Variants in ABCA13 observed in about 807,000 individuals in gnomAD.
ABCA13 encodes ATP-binding cassette sub-family A member 13.
In ABCA13, 476 loss-of-function variants were observed where a neutral mutation model predicts 478.7. The observed-to-expected ratio is 0.99, with a 90% CI of 0.92 to 1.07. The LOEUF (loss-of-function observed/expected upper bound fraction) is 1.07. ABCA13 is among the 50% of genes least tolerant of loss of function. The pLI is 0.00. For synonymous variants in ABCA13, 2,252 were observed against 2,158.9 expected, an observed-to-expected ratio of 1.04 and a Z score of -1.20; for missense variants, 6,060 against 5,910.6, an observed-to-expected ratio of 1.03 and a Z score of -0.83.
intron 35 of ABCA13, among the ~76,000 whole-genome samples, chr7:48,384,288 A>T (rs1814833700): frequency 6.6e-6 from 1 of 152,250 alleles, no homozygotes; most frequent in African/African-American, 2.4e-5. Context: ...GTATGTGTCA[A>T]CAGGGGCTTT....
intron 57 of ABCA13, among the ~76,000 whole-genome samples, chr7:48,589,191 A>G (rs561039159): frequency 6.6e-6 from 1 of 152,356 alleles, no homozygotes; most frequent in East Asian, 1.9e-4. Context: ...TTTGGTGTCT[A>G]TTGAAGGAGA....
Position 48,240,922 on chromosome 7 carries a change from G to T in ABCA13, c.1118G>T (p.Gly373Val), listed in dbSNP as rs1790735362. ...CTTCAGAAGACACTCACAGGCATGGGCCATAGTCTGGAGGCTCTCAGGAAT... is the reference window on the plus strand; with the variant it reads ...CTTCAGAAGACACTCACAGGCATGGTCCATAGTCTGGAGGCTCTCAGGAAT... ...SLLQKTLTGM[G>V]HSLEALRNQF... Residue 373 changes from glycine (G) to valine (V), a missense_variant, in exon 10 of 62, where the codon GGC becomes GTC. This residue lies in a region of ABCA13 where 4,423 missense variants were observed against 4,309.1 expected (regional missense o/e 1.03). Coordinates refer to ENST00000435803, the MANE Select transcript of ABCA13 (RefSeq NM_152701.5). 3 of 1,612,536 alleles carry T rather than the reference G, an allele frequency of 1.9e-6. No individual in the cohort carries two copies. The highest frequency in any genetic ancestry group is 2.5e-6 in the Non-Finnish European group (3 of 1,178,956).
At chr7:48,475,089 A>G (rs1263284819) in intron 45 of ABCA13, among the ~76,000 whole-genome samples, 1 of 152,228 alleles carries the variant, frequency 6.6e-6, no homozygotes, top group Non-Finnish European at 1.5e-5. Flanking sequence ...AGTGGAGTAG[A>G]TGCAGCATTT....
intron 50 of ABCA13, among the ~76,000 whole-genome samples, chr7:48,509,269 A>G (rs1365299199): frequency 6.6e-6 from 1 of 152,196 alleles, no homozygotes; most frequent in Non-Finnish European, 1.5e-5. Context: ...TAGTTGGTAC[A>G]GAGATGGCTT....
At chr7:48,496,830 C>T (rs1316471254) in intron 48 of ABCA13, among the ~76,000 whole-genome samples, 1 of 151,998 alleles carries the variant, frequency 6.6e-6, no homozygotes, top group Non-Finnish European at 1.5e-5. Flanking sequence ...TCTTCCTTCT[C>T]TCTTTGTGAC....
chr7:48,341,324 A>G (rs1202680659), intron 29 of ABCA13, among the ~76,000 whole-genome samples: 1 of 149,200 alleles, frequency 6.7e-6, no homozygotes, highest in Non-Finnish European at 1.5e-5. Flanking sequence ...TGGGCAGGCT[A>G]GCCGCTCCTG....
chr7:48,249,381 G>T, intron 15 of ABCA13, 30 bp downstream of exon 15: 1 of 1,608,566 alleles, frequency 6.2e-7, no homozygotes, highest in South Asian at 1.1e-5. Flanking sequence ...TACAGGAATG[G>T]GGGATGCTTT....
Position 48,279,223 on chromosome 7 carries a change from A to T in ABCA13, c.8029A>T (p.Ile2677Phe). 4 of 1,590,692 alleles carry T rather than the reference A, an allele frequency of 2.5e-6. No homozygotes were observed. Among genetic ancestry groups the T allele is most frequent in the Non-Finnish European group, 3.4e-6 (4 of 1,167,350 alleles). The change falls in exon 18 of 62, where the codon ATT (isoleucine) becomes TTT (phenylalanine). Residue 2677 changes from isoleucine to phenylalanine, a missense_variant. Ile to Phe is a conservative substitution (Grantham distance 21, BLOSUM62 0). This residue lies in a region of ABCA13 where 4,423 missense variants were observed against 4,309.1 expected (regional missense o/e 1.03). Transcript: ENST00000435803. ...SMDSVNLREE[I>F]LGCLVPINNI... ...GGATTCTGTCAACTTACGGGAAGAAATTCTGGGTTGCTTAGTTCCTATAAA... is the reference window on the plus strand; with the variant it reads ...GGATTCTGTCAACTTACGGGAAGAATTTCTGGGTTGCTTAGTTCCTATAAA...
At chr7:48,621,937 T>C (rs1055292917) in intron 59 of ABCA13, among the ~76,000 whole-genome samples, 3 of 152,166 alleles carry the variant, frequency 2.0e-5, no homozygotes, top group African/African-American at 7.2e-5. Flanking sequence ...AAATATTTGT[T>C]CAAAATTGGT....
At chr7:48,211,544 C>T (rs1283339571) in intron 3 of ABCA13, among the ~76,000 whole-genome samples, 2 of 152,034 alleles carry the variant, frequency 1.3e-5, no homozygotes, top group Non-Finnish European at 2.9e-5. Flanking sequence ...TCCCATGGTA[C>T]CATGTTGGGT....
At chr7:48,605,221 C>G (rs1563496563) in intron 58 of ABCA13, among the ~76,000 whole-genome samples, 1 of 152,084 alleles carries the variant, frequency 6.6e-6, no homozygotes, top group East Asian at 1.9e-4. Context: ...GCACGTAGCC[C>G]ATTTACATTT....
At chr7:48,297,588 T>G (rs1356624387) in intron 22 of ABCA13, among the ~76,000 whole-genome samples, 1 of 152,208 alleles carries the variant, frequency 6.6e-6, no homozygotes, top group Non-Finnish European at 1.5e-5. Flanking sequence ...TGTGTGTCTC[T>G]GTTTCCTTGG....
intron 27 of ABCA13, among the ~76,000 whole-genome samples, chr7:48,318,613 A>G (rs1474405833): frequency 1.3e-5 from 2 of 151,150 alleles, no homozygotes; most frequent in African/African-American, 4.9e-5. Context: ...GCACTCTCAC[A>G]TGGAACGACA....
rs942182853 is a variant in ABCA13, at chr7:48,593,229, GTTTTT to G, written c.14641-1476_14641-1472del. Among the ~76,000 whole-genome samples the G allele has an allele frequency of 5.2e-5, 7 of 135,102 alleles. No homozygotes were observed. The East Asian group carries it at 1.3e-3, about 25-fold the overall frequency. The allele number at this position is 135,102 out of a possible 152,430, so 88.6% of individuals were successfully genotyped here. A position where few individuals can be genotyped will look rare whatever the true frequency, so the allele number is the denominator to read the frequency against. ...TGTTGGTATGCTTTGATTCATTTCT[GTTTTT>G]TTTTCTTTTGTGTGTGTGTGTGTGT... On this transcript the variant is annotated intron_variant, in intron 57 of 61. Coordinates refer to ENST00000435803, the MANE Select transcript of ABCA13 (RefSeq NM_152701.5).
intron 42 of ABCA13, among the ~76,000 whole-genome samples, chr7:48,447,393 T>C (rs1264850679): frequency 6.6e-6 from 1 of 152,190 alleles, no homozygotes; most frequent in African/African-American, 2.4e-5. Context: ...TTCTCCCTAG[T>C]GGATAGAGAT....
intron 3 of ABCA13, among the ~76,000 whole-genome samples, chr7:48,210,129 A>G (rs1021923040): frequency 1.3e-5 from 2 of 152,160 alleles, no homozygotes; most frequent in African/African-American, 4.8e-5. Context: ...TTGACTCACA[A>G]TTCTGCACCG....
chr7:48,371,763 A>G (rs969306623), intron 32 of ABCA13, among the ~76,000 whole-genome samples: 9 of 152,044 alleles, frequency 5.9e-5, no homozygotes, highest in African/African-American at 1.4e-4. Flanking sequence ...CTCTTTTTCT[A>G]TTTGAATACG....
intron 42 of ABCA13, among the ~76,000 whole-genome samples, chr7:48,432,140 G>A (rs1822232834): frequency 1.3e-5 from 2 of 152,036 alleles, no homozygotes; most frequent in African/African-American, 4.8e-5. Context: ...AAGTAATGCA[G>A]TTAAAAAATG....
chr7:48,346,488 T>A (rs1808123490), intron 29 of ABCA13, among the ~76,000 whole-genome samples: 1 of 151,944 alleles, frequency 6.6e-6, no homozygotes, highest in South Asian at 2.1e-4. Flanking sequence ...CCGAGAAATT[T>A]AACAATCTCC....
Sources: gnomAD v4.1 joint callset for allele counts (sites outside exome capture counted in the v4.1 genomes callset) on GRCh38, gnomAD v4.1.1 for gene constraint, gnomAD v4.1.1 regional missense constraint, MANE v1.5 for transcripts, NCBI Gene and HGNC (gene_info 2026-07-23, HGNC 2026-07-21) for gene names.